The following OTOGL variants were observed in gnomAD, a reference collection of about 807,000 sequenced individuals.
The protein encoded by OTOGL is otogelin like, also known as otogelin-like protein.
In OTOGL, 285 loss-of-function variants were observed where a neutral mutation model predicts 318.5. That is an observed-to-expected ratio of 0.89 (90% CI 0.81 to 0.99). The LOEUF (loss-of-function observed/expected upper bound fraction) is 0.99. OTOGL is among the 50% of genes least tolerant of loss of function. OTOGL has a pLI of 0.00. For missense variants in OTOGL, 2,899 were observed against 2,845.6 expected (o/e 1.02, Z -0.43); for synonymous variants, 987 against 936.5 (o/e 1.05, Z -0.99).
chr12:80,364,640 G>C (rs975418797), intron 52 of OTOGL, among the ~76,000 whole-genome samples: 3 of 151,906 alleles, frequency 2.0e-5, no homozygotes, highest in Admixed American at 6.6e-5. Context: ...TTCTGTTCTT[G>C]GTATTTCCTA....
intron 1 of OTOGL, among the ~76,000 whole-genome samples, chr12:80,148,816 G>C (rs1311978229): frequency 6.6e-6 from 1 of 151,978 alleles, no homozygotes; most frequent in Admixed American, 6.6e-5. Context: ...ATCTTCTGTT[G>C]CTGATACCCT....
intron 1 of OTOGL, among the ~76,000 whole-genome samples, chr12:80,135,216 C>T (rs1871475059): frequency 6.7e-6 from 1 of 149,612 alleles, no homozygotes; most frequent in African/African-American, 2.5e-5. Flanking sequence ...TAGTCCATTA[C>T]AAATCTCTGG....
chr12:80,204,343 A>G (rs1282414380), intron 1 of OTOGL, among the ~76,000 whole-genome samples: 1 of 152,192 alleles, frequency 6.6e-6, no homozygotes, highest in African/African-American at 2.4e-5. Context: ...GGCTCTTGTC[A>G]TAAATCAGAT....
At chr12:80,171,217 GAATGCACCAC>G (rs1182831334) in intron 1 of OTOGL, among the ~76,000 whole-genome samples, 1 of 151,960 alleles carries the variant, frequency 6.6e-6, no homozygotes, top group African/African-American at 2.4e-5. Context: ...GGACTTACAA[GAATGCACCAC>G]CATGCCCATC....
chr12:80,343,163 G>A (rs1407359774), intron 44 of OTOGL, among the ~76,000 whole-genome samples: 2 of 152,108 alleles, frequency 1.3e-5, no homozygotes, highest in African/African-American at 2.4e-5. Context: ...GTGAGCCACC[G>A]TGCCCGGCCC....
chr12:80,111,004 T>C (rs1341143545), intron 1 of OTOGL, among the ~76,000 whole-genome samples: 1 of 152,386 alleles, frequency 6.6e-6, no homozygotes. Flanking sequence ...TGACCAGTGA[T>C]GATGAGCTTT....
At chr12:80,323,097 T>TACACAC (rs200949284) in intron 34 of OTOGL, among the ~76,000 whole-genome samples, 18 of 127,154 alleles carry the variant, frequency 1.4e-4, no homozygotes, top group African/African-American at 4.1e-4. Flanking sequence ...GAAAACCCAC[T>TACACAC]ACACACACAC....
intron 34 of OTOGL, among the ~76,000 whole-genome samples, chr12:80,322,710 C>A (rs1042584473): frequency 1.3e-5 from 2 of 152,078 alleles, no homozygotes; most frequent in Admixed American, 6.6e-5. Context: ...TATTAGCAGA[C>A]CTTGCAGGAG....
rs2138115467 is a variant in OTOGL, at chr12:80,374,971, A to G, written c.6782-2152A>G. On this transcript the variant is annotated intron_variant, in intron 57 of 58. Transcript: ENST00000547103. ...GAAGGTTCAGAGAGAAGCTGATCAT[A>G]GTAGTAAATAATAAATTTAGGCCTG... 2.6e-5 allele frequency among the ~76,000 whole-genome samples: 4 copies of G among 152,304 alleles called. No homozygotes were observed. In the South Asian group the frequency reaches 8.3e-4, roughly 32 times the overall value.
chr12:80,124,834 CTGTT>C (rs1299092879), intron 1 of OTOGL, among the ~76,000 whole-genome samples: 7 of 152,112 alleles, frequency 4.6e-5, no homozygotes, highest in Non-Finnish European at 8.8e-5. Flanking sequence ...ATTTGGCTCT[CTGTT>C]TGTCTGTTAT....
At chr12:80,137,267 GA>G (rs1051315858) in intron 1 of OTOGL, among the ~76,000 whole-genome samples, 1 of 151,750 alleles carries the variant, frequency 6.6e-6, no homozygotes, top group African/African-American at 2.4e-5. Context: ...CGGTAGCAAA[GA>G]AAAAAACCAT....
chr12:80,106,245 A>T (rs1478139014), intron 1 of OTOGL, among the ~76,000 whole-genome samples: 1 of 152,172 alleles, frequency 6.6e-6, no homozygotes, highest in East Asian at 1.9e-4. Flanking sequence ...TTCTCTTGAA[A>T]TCATTTTTTC....
chr12:80,356,379 T>G (rs779293908), intron 47 of OTOGL, 37 bp from the exon 48 acceptor site: 3 of 1,510,758 alleles, frequency 2.0e-6, no homozygotes, highest in Non-Finnish European at 2.7e-6. Context: ...ATTTTAGTTG[T>G]GTTCACTAAT....
chr12:80,305,537 G>A, intron 28 of OTOGL, 39 bp from the exon 29 acceptor site: 2 of 1,420,560 alleles, frequency 1.4e-6, no homozygotes, highest in African/African-American at 2.9e-5. Context: ...ATGTTAAAGT[G>A]AAAACAGAAT....
intron 38 of OTOGL, among the ~76,000 whole-genome samples, chr12:80,333,410 T>C (rs1592719324): frequency 6.6e-6 from 1 of 151,702 alleles, no homozygotes; most frequent in East Asian, 1.9e-4. Context: ...CTGTGTAAGA[T>C]GTTAAACATA....
intron 29 of OTOGL, among the ~76,000 whole-genome samples, chr12:80,309,421 G>A (rs913940234): frequency 5.3e-5 from 8 of 152,180 alleles, no homozygotes; most frequent in African/African-American, 7.2e-5. Flanking sequence ...GAATTTAACA[G>A]GGAAAGGAGG....
At chr12:80,268,207 C>G (rs36000166) in intron 22 of OTOGL, among the ~76,000 whole-genome samples, 1 of 152,060 alleles carries the variant, frequency 6.6e-6, no homozygotes, top group African/African-American at 2.4e-5. Context: ...TAATAATAGA[C>G]AGTAGATAAT....
At position 80,367,598 on chromosome 12, in the gene OTOGL, A is replaced by G. The variant is rs1431544394; in HGVS notation, c.6369A>G (p.Val2123=). The G allele has an allele frequency of 1.3e-6, 2 of 1,547,214 alleles. No individual in the cohort carries two copies. The highest frequency in any genetic ancestry group is 1.8e-6 in the Non-Finnish European group (2 of 1,137,334). Residue 2123 remains valine, a synonymous_variant, in exon 54 of 59, where the codon GTA becomes GTG. Coordinates refer to ENST00000547103, the MANE Select transcript of OTOGL (RefSeq NM_001378609.3). The stretch of plus-strand genomic sequence containing the variant: ...TGTGTGTATTTCAAGAAGTATCAGT[A>G]TTGAATCCTGGACAATCCATGATAA... ...DDVCVFQEVS[V]LNPGQSMIKY...
intron 24 of OTOGL, among the ~76,000 whole-genome samples, chr12:80,272,750 T>C (rs1242935305): frequency 6.6e-6 from 1 of 152,094 alleles, no homozygotes; most frequent in African/African-American, 2.4e-5. Context: ...GGCCCCCATC[T>C]GGAATAGGTT....
Sources: gnomAD v4.1 joint callset for allele counts (sites outside exome capture counted in the v4.1 genomes callset) on GRCh38, gnomAD v4.1.1 for gene constraint, MANE v1.5 for transcripts, NCBI Gene and HGNC (gene_info 2026-07-23, HGNC 2026-07-21) for gene names.